PRKN: variants seen among roughly 807,000 people sequenced by gnomAD.
PRKN encodes the protein E3 ubiquitin-protein ligase parkin.
A neutral mutation model predicts 59.5 loss-of-function variants in PRKN; 56 were observed. That is an observed-to-expected ratio of 0.94 (90% confidence interval 0.76 to 1.18). The LOEUF (loss-of-function observed/expected upper bound fraction) is 1.18. PRKN is among the 50% of genes most tolerant of loss of function. The pLI is 0.00. For synonymous variants in PRKN, 250 were observed against 222.1 expected (o/e 1.13, Z -1.12); for missense variants, 657 against 596.4 (o/e 1.10, Z -1.06).
At chr6:161,830,781 T>G (rs1792466439) in intron 6 of PRKN, among the ~76,000 whole-genome samples, 1 of 152,206 alleles carries the variant, frequency 6.6e-6, no homozygotes, top group South Asian at 2.1e-4. Flanking sequence ...ACTTATGATT[T>G]TGTATGATTT....
intron 3 of PRKN, among the ~76,000 whole-genome samples, chr6:162,258,053 G>GGAA (rs1779726339): frequency 6.6e-6 from 1 of 152,166 alleles, no homozygotes; most frequent in Non-Finnish European, 1.5e-5. Flanking sequence ...CTCACGAGTT[G>GGAA]CTGTCGCCTC....
At chr6:161,907,919 T>C (rs1047621095) in intron 6 of PRKN, among the ~76,000 whole-genome samples, 4 of 151,788 alleles carry the variant, frequency 2.6e-5, no homozygotes, top group Non-Finnish European at 4.4e-5. Flanking sequence ...CTCTACTAAA[T>C]ACACAAAAAT....
chr6:161,368,382 G>GATAT (rs34367069), intron 10 of PRKN, among the ~76,000 whole-genome samples: 4,343 of 99,228 alleles, frequency 0.044, 252 homozygotes, highest in South Asian at 0.068. Flanking sequence ...CCTCAGTCTT[G>GATAT]ATATATATAT....
At chr6:162,332,550 C>A (rs1783630009) in intron 2 of PRKN, among the ~76,000 whole-genome samples, 1 of 152,278 alleles carries the variant, frequency 6.6e-6, no homozygotes, top group East Asian at 1.9e-4. Flanking sequence ...GCCCATATGG[C>A]CCTTCATGAA....
chr6:162,296,956 T>C (rs1303278142), intron 2 of PRKN, among the ~76,000 whole-genome samples: 1 of 152,010 alleles, frequency 6.6e-6, no homozygotes, highest in Admixed American at 6.6e-5. Context: ...TCTCCAGGCC[T>C]CTCATATTGC....
At position 162,556,579 on chromosome 6, in the gene PRKN, T is replaced by C. The variant is rs1282293572; in HGVS notation, c.8-113106A>G. 5.3e-5 allele frequency among the ~76,000 whole-genome samples: 8 copies of C among 151,572 alleles called. 1 individual carries two copies. Among genetic ancestry groups the C allele is most frequent in the Non-Finnish European group, 4.4e-5 (3 of 67,898 alleles). ...CTAACCAACACAGTGAAACCCCTTC[T>C]CTACTAAAAATACAGAAATTAGCCA... On this transcript the variant is annotated intron_variant, in intron 1 of 11. Coordinates refer to ENST00000366898, the MANE Select transcript of PRKN (RefSeq NM_004562.3).
intron 1 of PRKN, among the ~76,000 whole-genome samples, chr6:162,622,619 G>A (rs1782722162): frequency 1.3e-5 from 2 of 152,110 alleles, no homozygotes; most frequent in Admixed American, 6.6e-5. Flanking sequence ...CTAAATATCT[G>A]ATTGATGATT....
chr6:161,945,549 T>C (rs1213794152), intron 6 of PRKN, among the ~76,000 whole-genome samples: 2 of 152,228 alleles, frequency 1.3e-5, no homozygotes, highest in Non-Finnish European at 2.9e-5. Flanking sequence ...AAGCTCGTTA[T>C]GTTGCATTCA....
chr6:162,003,251 G>GTAGA (rs1782128409), intron 5 of PRKN, among the ~76,000 whole-genome samples: 1 of 151,464 alleles, frequency 6.6e-6, no homozygotes, highest in Non-Finnish European at 1.5e-5. Flanking sequence ...AGTTTGGCGA[G>GTAGA]TAGATGGGTT....
chr6:162,151,963 AT>A, intron 4 of PRKN, among the ~76,000 whole-genome samples: 1 of 152,344 alleles, frequency 6.6e-6, no homozygotes, highest in African/African-American at 2.4e-5. Context: ...AGCAAAAAAA[AT>A]CAAATAATTA....
rs1160758096 is a variant in PRKN, at chr6:161,447,058, G to A, written c.1084-60181C>T. On this transcript the variant is annotated intron_variant, in intron 9 of 11. Coordinates refer to ENST00000366898, the MANE Select transcript of PRKN (RefSeq NM_004562.3). This position sits in a 1 kb window ranked among gnomAD's most constrained non-coding sequence, Gnocchi z 4.1. ...TAGGTGACTTCTTAATGATCTTTAA[G>A]GAAAGAAGTCAATACAAGGAAAATA... Among the ~76,000 whole-genome samples the A allele has an allele frequency of 1.3e-5, 2 of 152,074 alleles. No individual in the cohort carries two copies. The highest frequency in any genetic ancestry group is 2.9e-5 in the Non-Finnish European group (2 of 68,020).
Position 161,437,466 on chromosome 6 carries a change from T to C in PRKN, c.1084-50589A>G, listed in dbSNP as rs544379829. Among the ~76,000 whole-genome samples the C allele has an allele frequency of 9.9e-5, 15 of 152,256 alleles. No individual in the cohort carries two copies. In the East Asian group the frequency reaches 2.9e-3, roughly 29 times the overall value. ...AATATCTTCGGGCCTCGGTTGACTG[T>C]GAGTACCAGAGACTGCAGGAATCGA... On this transcript the variant is annotated intron_variant, in intron 9 of 11. Coordinates refer to ENST00000366898, the MANE Select transcript of PRKN (RefSeq NM_004562.3).
rs1562356797 is a variant in PRKN, at chr6:161,874,999, A to AAAATTTATAAATAT, written c.735-89092_735-89091insATATTTATAAATTT. Among the ~76,000 whole-genome samples the AAAATTTATAAATAT allele has an allele frequency of 1.2e-4, 11 of 92,840 alleles. No homozygotes were observed. In the East Asian group the frequency reaches 3.5e-3, roughly 29 times the overall value. The allele number at this position is 92,840 out of a possible 152,430, so 60.9% of individuals were successfully genotyped here. A position where few individuals can be genotyped will look rare whatever the true frequency, so the allele number is the denominator to read the frequency against. On this transcript the variant is annotated intron_variant, in intron 6 of 11. Coordinates refer to ENST00000366898, the MANE Select transcript of PRKN (RefSeq NM_004562.3). The stretch of plus-strand genomic sequence containing the variant: ...TATTATATTATATACTTTATATATA[A>AAAATTTATAAATAT]TATATTATATATTATATATAAAGTA...
chr6:162,678,279 T>C (rs1032051057), intron 1 of PRKN, among the ~76,000 whole-genome samples: 7 of 152,226 alleles, frequency 4.6e-5, no homozygotes. Context: ...TGTGAGTCTT[T>C]GCATGAACAT....
chr6:162,132,831 G>T (rs1249594184), intron 4 of PRKN, among the ~76,000 whole-genome samples: 4 of 152,142 alleles, frequency 2.6e-5, no homozygotes, highest in African/African-American at 7.2e-5. Context: ...GGTGGGCAGA[G>T]AAACCATCTT....
At chr6:161,973,444 C>G in intron 5 of PRKN, 27 bp from the exon 6 acceptor site, 1 of 1,250,314 alleles carries the variant, frequency 8.0e-7, no homozygotes, top group Non-Finnish European at 1.2e-6. Flanking sequence ...TATGATCACA[C>G]ACATGGATCC....
chr6:162,697,654 C>T (rs1778016453), intron 1 of PRKN, among the ~76,000 whole-genome samples: 1 of 152,052 alleles, frequency 6.6e-6, no homozygotes, highest in Admixed American at 6.6e-5. Context: ...TCTGTTCAAA[C>T]AATAGTTTAG....
rs897099053 is a variant in PRKN, at chr6:161,413,021, G to A, written c.1084-26144C>T. On this transcript the variant is annotated intron_variant, in intron 9 of 11. Transcript: ENST00000366898. The surrounding 1 kb of genome is among the most constrained non-coding windows in gnomAD (Gnocchi z 4.4). ...AGACAGGCTCTGTCTGCTCTTGCCT[G>A]CCTTCCTGACTGCTGGACTAGAATC... Among the ~76,000 whole-genome samples the A allele has an allele frequency of 1.3e-5, 2 of 152,218 alleles. No individual in the cohort carries two copies. The highest frequency in any genetic ancestry group is 2.9e-5 in the Non-Finnish European group (2 of 68,044).
chr6:162,091,066 A>G (rs1227492114), intron 4 of PRKN, among the ~76,000 whole-genome samples: 2 of 152,072 alleles, frequency 1.3e-5, no homozygotes, highest in African/African-American at 4.8e-5. Flanking sequence ...TATTAGTAGA[A>G]ATACCATCCC....
Sources: allele counts gnomAD v4.1 joint callset (sites outside exome capture counted in the v4.1 genomes callset), GRCh38; gene constraint gnomAD v4.1.1; non-coding constraint Gnocchi (gnomAD v3.1); transcripts MANE v1.5; gene names NCBI Gene and HGNC (gene_info 2026-07-23, HGNC 2026-07-21).